Variants in STYK1 observed in about 807,000 individuals in gnomAD.
The protein encoded by STYK1 is tyrosine-protein kinase STYK1.
In STYK1, 46 loss-of-function variants were observed where a neutral mutation model predicts 48.1. The observed-to-expected ratio is 0.96, with a 90% CI of 0.75 to 1.22. STYK1 has a LOEUF of 1.22. STYK1 is among the 50% of genes most tolerant of loss of function. The pLI is 0.00. For missense variants in STYK1, 527 were observed against 521.1 expected (o/e 1.01, Z -0.11); for synonymous variants, 188 against 189.0 (o/e 0.99, Z 0.04).
intron 1 of STYK1, among the ~76,000 whole-genome samples, chr12:10,653,140 T>G (rs1448533326): frequency 2.0e-5 from 3 of 151,960 alleles, no homozygotes; most frequent in African/African-American, 7.2e-5. Context: ...TGGCGTGATA[T>G]CGGCTTACTG....
intron 1 of STYK1, among the ~76,000 whole-genome samples, chr12:10,645,041 CA>C (rs1021560071): frequency 6.6e-6 from 1 of 151,802 alleles, no homozygotes; most frequent in Non-Finnish European, 1.5e-5. Flanking sequence ...AATTGGGGTC[CA>C]GGGGGAAACT....
At chr12:10,635,667 T>G (rs546468956) in intron 2 of STYK1, among the ~76,000 whole-genome samples, 2 of 152,240 alleles carry the variant, frequency 1.3e-5, no homozygotes, top group Non-Finnish European at 2.9e-5. Flanking sequence ...TCTCCATTTA[T>G]CCAGTTCTTA....
chr12:10,646,745 G>T (rs766457730), intron 1 of STYK1, among the ~76,000 whole-genome samples: 1 of 152,198 alleles, frequency 6.6e-6, no homozygotes, highest in Non-Finnish European at 1.5e-5. Flanking sequence ...GGTTTAGGAG[G>T]ATAAAATGGT....
At chr12:10,656,848 C>T (rs1161190879) in intron 1 of STYK1, among the ~76,000 whole-genome samples, 5 of 151,972 alleles carry the variant, frequency 3.3e-5, no homozygotes, top group African/African-American at 1.2e-4. Flanking sequence ...TAAATAAATC[C>T]CTCTCAAAAT....
chr12:10,657,686 T>G (rs1325184572), intron 1 of STYK1, among the ~76,000 whole-genome samples: 1 of 152,252 alleles, frequency 6.6e-6, no homozygotes. Flanking sequence ...TGGGGATATG[T>G]AGAATTAGAC....
intron 10 of STYK1, 139 bp from the exon 11 acceptor site, chr12:10,620,487 C>G: frequency 1.3e-6 from 1 of 743,302 alleles, no homozygotes; most frequent in Non-Finnish European, 2.2e-6. Context: ...CATATTCTTC[C>G]CAGAGAGTGA....
intron 1 of STYK1, chr12:10,667,201 A>G (rs1431950731): frequency 1.3e-5 from 2 of 152,248 alleles, no homozygotes; most frequent in Non-Finnish European, 2.9e-5. Flanking sequence ...GGAAAAAACT[A>G]AAACAGGTTT....
chr12:10,664,005 A>C (rs1311068227), intron 1 of STYK1, among the ~76,000 whole-genome samples: 4 of 152,208 alleles, frequency 2.6e-5, no homozygotes, highest in Non-Finnish European at 5.9e-5. Flanking sequence ...ATTTGGTGAG[A>C]CCACAGAATG....
intron 1 of STYK1, among the ~76,000 whole-genome samples, chr12:10,658,410 G>A (rs556322991): frequency 6.6e-6 from 1 of 152,278 alleles, no homozygotes; most frequent in African/African-American, 2.4e-5. Flanking sequence ...AAAAAGAAAG[G>A]AAGGAAAAGA....
chr12:10,671,879 ATAAT>A (rs1211809758), intron 1 of STYK1, among the ~76,000 whole-genome samples: 6 of 152,060 alleles, frequency 3.9e-5, no homozygotes, highest in African/African-American at 1.5e-4. Context: ...TAACTTGTGC[ATAAT>A]TAAAGACATT....
At chr12:10,641,701 T>C (rs1294575919) in intron 1 of STYK1, among the ~76,000 whole-genome samples, 1 of 152,198 alleles carries the variant, frequency 6.6e-6, no homozygotes, top group African/African-American at 2.4e-5. Flanking sequence ...ACTATAAAAT[T>C]TCTATATGTA....
chr12:10,671,399 A>G (rs1368907577), intron 1 of STYK1, among the ~76,000 whole-genome samples: 1 of 152,212 alleles, frequency 6.6e-6, no homozygotes, highest in African/African-American at 2.4e-5. Flanking sequence ...ATACTCAGTG[A>G]GTCCAGTGCA....
chr12:10,630,032 G>GGAGAGA lies in STYK1; in HGVS notation c.452-364_452-359dup, dbSNP rs11268204. On this transcript the variant is annotated intron_variant, in intron 5 of 10. Transcript: ENST00000075503. ...CCATTACTGGCCCATATCATGAAGA[G>GGAGAGA]GAGAGAGAGAGAGAGAGAGAGAGAG... 5.0e-4 allele frequency among the ~76,000 whole-genome samples: 68 copies of GGAGAGA among 137,336 alleles called. 1 individual carries two copies. Among genetic ancestry groups the GGAGAGA allele is most frequent in the African/African-American group, 1.9e-3 (65 of 33,864 alleles). The allele number at this position is 137,336 out of a possible 152,430, so 90.1% of individuals were successfully genotyped here. A position where few individuals can be genotyped will look rare whatever the true frequency, so the allele number is the denominator to read the frequency against.
At chr12:10,630,905 C>G in intron 5 of STYK1, 140 bp downstream of exon 5, 1 of 1,095,980 alleles carries the variant, frequency 9.1e-7, no homozygotes, top group Non-Finnish European at 1.3e-6. Flanking sequence ...AAAAACATTT[C>G]TGCCTCAAGT....
In STYK1 at chr12:10,620,079, T is replaced by C. The variant is rs1297741734; in HGVS notation, c.*65A>G. ...TGTGTCCCTGGGAAAGACCATTCTC[T>C]GTTCTTAGAGGAATTGATTCCAAGA... On this transcript the variant is annotated 3_prime_UTR_variant, in exon 11 of 11. Transcript: ENST00000075503. The C allele has an allele frequency of 3.8e-6, 6 of 1,565,838 alleles. No individual in the cohort carries two copies. The highest frequency in any genetic ancestry group is 5.3e-6 in the Non-Finnish European group (6 of 1,137,946).
At chr12:10,662,133 G>A (rs568069155) in intron 1 of STYK1, among the ~76,000 whole-genome samples, 1 of 152,136 alleles carries the variant, frequency 6.6e-6, no homozygotes, top group African/African-American at 2.4e-5. Context: ...TTTTGTATCT[G>A]GCTGGCTTCT....
At chr12:10,635,557 C>T (rs1488563969) in intron 2 of STYK1, among the ~76,000 whole-genome samples, 1 of 152,178 alleles carries the variant, frequency 6.6e-6, no homozygotes, top group Non-Finnish European at 1.5e-5. Flanking sequence ...ACCAAGCCAC[C>T]TTCTCTTTCT....
At chr12:10,657,960 A>G (rs1459063439) in intron 1 of STYK1, among the ~76,000 whole-genome samples, 1 of 152,246 alleles carries the variant, frequency 6.6e-6, no homozygotes, top group African/African-American at 2.4e-5. Flanking sequence ...TTTTTAGCCT[A>G]GTTTAGAAGG....
At chr12:10,635,892 C>T (rs1159437382) in intron 2 of STYK1, among the ~76,000 whole-genome samples, 5 of 152,172 alleles carry the variant, frequency 3.3e-5, no homozygotes, top group Non-Finnish European at 7.4e-5. Flanking sequence ...CTTTGCTTGA[C>T]AAGACACTCC....
Sources: gnomAD v4.1 joint callset for allele counts (sites outside exome capture counted in the v4.1 genomes callset) on GRCh38, gnomAD v4.1.1 for gene constraint, MANE v1.5 for transcripts, NCBI Gene and HGNC (gene_info 2026-07-23, HGNC 2026-07-21) for gene names.